The following AGAP3 variants were observed in gnomAD, a reference collection of about 807,000 sequenced individuals.
AGAP3 encodes the protein ArfGAP with GTPase domain, ankyrin repeat and PH domain 3.
In AGAP3, 24 loss-of-function variants were observed where a neutral mutation model predicts 96.9. The ratio of observed to expected loss-of-function variants is 0.25; its 90% CI spans 0.18 to 0.35. The LOEUF is 0.35. Among genes scored for constraint, AGAP3 ranks in the 10% least tolerant of loss-of-function variants. AGAP3 has a pLI of 1.00. For missense variants in AGAP3, 876 were observed against 1,254.2 expected (o/e 0.70, Z 4.55); for synonymous variants, 563 against 536.1 (o/e 1.05, Z -0.69).
At chr7:151,089,213 G>C (rs1040798544) in intron 1 of AGAP3, among the ~76,000 whole-genome samples, 1 of 152,132 alleles carries the variant, frequency 6.6e-6, no homozygotes, top group Middle Eastern at 3.2e-3. Context: ...TCCTTCCTGC[G>C]ATAGAACTCC....
Position 151,139,186 on chromosome 7 carries a change from G to A in AGAP3, c.1667-793G>A, listed in dbSNP as rs906535365. 6.6e-6 allele frequency among the ~76,000 whole-genome samples: 1 copy of A among 152,212 alleles called. No homozygotes were observed. Among genetic ancestry groups the A allele is most frequent in the Admixed American group, 6.5e-5 (1 of 15,284 alleles). On this transcript the variant is annotated intron_variant, in intron 12 of 17. Transcript: ENST00000397238. The surrounding 1 kb of genome is among the most constrained non-coding windows in gnomAD (Gnocchi z 4.9). ...CCCAGCCATGGGTGCTCTCCCAGCTGATTGGCTTCCCAAAGGCCTTCCCTG... is the reference window on the plus strand; with the variant it reads ...CCCAGCCATGGGTGCTCTCCCAGCTAATTGGCTTCCCAAAGGCCTTCCCTG...
At position 151,117,077 on chromosome 7, in the gene AGAP3, C is replaced by T. The variant is rs1799627410; in HGVS notation, c.391-18C>T. On this transcript the variant is annotated intron_variant, in intron 2 of 17. Transcript: ENST00000397238. ...TGCCCTCTGCCCTCTGACCCACTCA[C>T]CCCTTCCTCTCCCGCAGGGCATAGT... is the stretch of plus-strand genomic sequence containing the variant. The T allele has an allele frequency of 1.9e-6, 3 of 1,611,398 alleles. No homozygotes were observed. Among genetic ancestry groups the T allele is most frequent in the African/African-American group, 1.3e-5 (1 of 74,984 alleles).
chr7:151,114,856 T>C lies in AGAP3; in HGVS notation c.332-1937T>C. On this transcript the variant is annotated intron_variant, in intron 1 of 17. Transcript: ENST00000397238. This position sits in a 1 kb window ranked among gnomAD's most constrained non-coding sequence, Gnocchi z 4.4. ...CGCGCCCACAGCGTCTGCGACTCGCTGGACCTGCACGGCGCCTCGGCCGGC... is the reference window on the plus strand; with the variant it reads ...CGCGCCCACAGCGTCTGCGACTCGCCGGACCTGCACGGCGCCTCGGCCGGC... 9.6e-7 allele frequency: 1 copy of C among 1,046,100 alleles called. No individual in the cohort carries two copies. Among genetic ancestry groups the C allele is most frequent in the Non-Finnish European group, 1.1e-6 (1 of 870,264 alleles). 64.8% of individuals were successfully genotyped at this position (1,046,100 alleles called of 1,614,324 possible). A position where few individuals can be genotyped will look rare whatever the true frequency, so the allele number is the denominator to read the frequency against.
In AGAP3 at chr7:151,144,233, A is replaced by C; in HGVS notation, c.*290A>C. 1 of 421,930 alleles carries C rather than the reference A, an allele frequency of 2.4e-6. No homozygotes were observed. Among genetic ancestry groups the C allele is most frequent in the South Asian group, 3.9e-5 (1 of 25,954 alleles). 26.1% of individuals were successfully genotyped at this position (421,930 alleles called of 1,614,324 possible). On this transcript the variant is annotated 3_prime_UTR_variant, in exon 18 of 18. Coordinates refer to ENST00000397238, the MANE Select transcript of AGAP3 (RefSeq NM_031946.7). ...GGAGCAGGACCTCTCCCTCCTCCAG[A>C]TCCCTGCCTCCTAGTGCCAGCCCCT...
intron 1 of AGAP3, among the ~76,000 whole-genome samples, chr7:151,091,290 G>A (rs900274748): frequency 6.6e-6 from 1 of 152,238 alleles, no homozygotes; most frequent in Non-Finnish European, 1.5e-5. Context: ...CTGGCAATTC[G>A]TTGGTTTAGG....
chr7:151,138,611 C>T (rs530811422), intron 12 of AGAP3, among the ~76,000 whole-genome samples: 49 of 152,356 alleles, frequency 3.2e-4, no homozygotes, highest in African/African-American at 1.1e-3. Flanking sequence ...GAGGCCCACC[C>T]TCTGCAGCTC....
In AGAP3 at chr7:151,142,361, G is replaced by A. The variant is rs1261574503; in HGVS notation, c.2051-51G>A. On this transcript the variant is annotated intron_variant, in intron 15 of 17. Transcript: ENST00000397238. The surrounding 1 kb of genome is among the most constrained non-coding windows in gnomAD (Gnocchi z 7.5). The stretch of plus-strand genomic sequence containing the variant: ...GGGAAGCCTTCCCTAGTTGTCCCGC[G>A]CTCTGGTGGCCTGCCTGCTGTCGCT... 9.4e-6 allele frequency: 15 copies of A among 1,599,512 alleles called. No homozygotes were observed. Among genetic ancestry groups the A allele is most frequent in the South Asian group, 7.7e-5 (7 of 90,568 alleles).
At chr7:151,123,173 G>A (rs887035745) in intron 8 of AGAP3, 104 of 1,073,412 alleles carry the variant, frequency 9.7e-5, no homozygotes, top group Non-Finnish European at 1.1e-4. Context: ...GACCTCTGCC[G>A]TTCCTGCTCC....
Position 151,138,055 on chromosome 7 carries a change from T to C in AGAP3, c.1496-88T>C. ...GTGCCCTGCTGAATGTCTCAGGCTC[T>C]GCTCTGCAGCTCTATTTTTAGGATA... is the stretch of plus-strand genomic sequence containing the variant. On this transcript the variant is annotated intron_variant, in intron 11 of 17. Coordinates refer to ENST00000397238, the MANE Select transcript of AGAP3 (RefSeq NM_031946.7). 3 of 1,065,184 alleles carry C rather than the reference T, an allele frequency of 2.8e-6. No homozygotes were observed. The East Asian group carries it at 7.8e-5, about 28-fold the overall frequency. The allele number at this position is 1,065,184 out of a possible 1,614,324, so 66.0% of individuals were successfully genotyped here. A position where few individuals can be genotyped will look rare whatever the true frequency, so the allele number is the denominator to read the frequency against.
intron 1 of AGAP3, among the ~76,000 whole-genome samples, chr7:151,113,130 G>C (rs921486505): frequency 3.7e-4 from 56 of 152,146 alleles, no homozygotes; most frequent in African/African-American, 1.3e-3. Context: ...GTGAGAGAGA[G>C]GGCAGATACA....
intron 8 of AGAP3, chr7:151,123,530 C>G (rs967597263): frequency 5.4e-6 from 7 of 1,288,060 alleles, no homozygotes; most frequent in Non-Finnish European, 6.9e-6. Context: ...GCGTGCTCCT[C>G]GCGCCCTCGG....
chr7:151,116,555 G>T (rs1391182830), intron 1 of AGAP3: 2 of 560,632 alleles, frequency 3.6e-6, no homozygotes, highest in Middle Eastern at 4.6e-4. Flanking sequence ...AAACCAGGGG[G>T]ACTGAGCCCA....
At chr7:151,090,251 C>T (rs1336790672) in intron 1 of AGAP3, 1 of 151,680 alleles carries the variant, frequency 6.6e-6, no homozygotes, top group East Asian at 1.9e-4. Context: ...GGGGGGGGCT[C>T]CCGCCTGGAA....
At chr7:151,089,197 C>T (rs1798283752) in intron 1 of AGAP3, among the ~76,000 whole-genome samples, 1 of 152,220 alleles carries the variant, frequency 6.6e-6, no homozygotes, top group Admixed American at 6.5e-5. Context: ...CAGTTTCTGC[C>T]CTATATCCTT....
intron 10 of AGAP3, among the ~76,000 whole-genome samples, chr7:151,129,278 A>G (rs1800308135): frequency 6.7e-6 from 1 of 149,090 alleles, no homozygotes; most frequent in Non-Finnish European, 1.5e-5. Context: ...CTCTGTCACC[A>G]CCCCACTGTG....
chr7:151,123,647 C>T, intron 8 of AGAP3, 147 bp from the exon 9 acceptor site: 1 of 1,494,118 alleles, frequency 6.7e-7, no homozygotes, highest in Admixed American at 2.1e-5. Flanking sequence ...CTCGTGGTCT[C>T]AGTTCCTTCC....
chr7:151,102,249 G>T (rs959154767), intron 1 of AGAP3, among the ~76,000 whole-genome samples: 1 of 152,222 alleles, frequency 6.6e-6, no homozygotes, highest in Non-Finnish European at 1.5e-5. Context: ...GCTCCGGTGA[G>T]CCTGCAGCCC....
intron 1 of AGAP3, among the ~76,000 whole-genome samples, chr7:151,097,530 A>G (rs1018652271): frequency 4.6e-5 from 7 of 151,982 alleles, no homozygotes; most frequent in Admixed American, 2.6e-4. Flanking sequence ...AAAAAAAAAA[A>G]AAAAAGAAAA....
intron 1 of AGAP3, 173 bp downstream of exon 1, chr7:151,087,245 C>T (rs2150397121): frequency 1.4e-6 from 1 of 691,714 alleles, no homozygotes; most frequent in Non-Finnish European, 2.4e-6. Flanking sequence ...GCAGCTTCGC[C>T]ATATCTCGTT....
Sources: allele counts gnomAD v4.1 joint callset (sites outside exome capture counted in the v4.1 genomes callset), GRCh38; gene constraint gnomAD v4.1.1; non-coding constraint Gnocchi (gnomAD v3.1); transcripts MANE v1.5; gene names NCBI Gene and HGNC (gene_info 2026-07-23, HGNC 2026-07-21).